MS4A15: variants seen among roughly 807,000 people sequenced by gnomAD.
The protein encoded by MS4A15 is membrane-spanning 4-domains subfamily A member 15.
A neutral mutation model predicts 20.6 loss-of-function variants in MS4A15; 22 were observed. That is an observed-to-expected ratio of 1.07 (90% CI 0.76 to 1.52). The LOEUF (loss-of-function observed/expected upper bound fraction) is 1.52, where lower values mean the gene tolerates loss of function less well. MS4A15 is among the 40% of genes most tolerant of loss of function. MS4A15 has a pLI of 0.00. For synonymous variants in MS4A15, 129 were observed against 129.3 expected (o/e 1.00, Z 0.02); for missense variants, 312 against 323.0 (o/e 0.97, Z 0.26).
intron 4 of MS4A15, chr11:60,771,891 T>G: frequency 1.6e-6 from 1 of 606,532 alleles, no homozygotes; most frequent in Non-Finnish European, 2.4e-6. Context: ...GTATGAGCTT[T>G]ATGTCAGGCT....
chr11:60,761,667 C>A (rs1853742632), intron 1 of MS4A15, among the ~76,000 whole-genome samples: 1 of 152,200 alleles, frequency 6.6e-6, no homozygotes, highest in Admixed American at 6.5e-5. Flanking sequence ...TTAAGCCCTG[C>A]TCATACCCAA....
chr11:60,773,806 G>A (rs1342772478), intron 5 of MS4A15, 31 bp from the exon 6 acceptor site: 1 of 1,589,922 alleles, frequency 6.3e-7, no homozygotes, highest in Admixed American at 1.7e-5. Context: ...TAGAACTCTG[G>A]GCTCACCTTT....
At chr11:60,768,189 T>C (rs963928775) in intron 3 of MS4A15, among the ~76,000 whole-genome samples, 1 of 151,768 alleles carries the variant, frequency 6.6e-6, no homozygotes, top group Non-Finnish European at 1.5e-5. Flanking sequence ...CAAGACTCCA[T>C]CTCAAAAAGA....
intron 2 of MS4A15, 61 bp from the exon 3 acceptor site, chr11:60,767,464 TCTCCGCGG>T: frequency 7.1e-7 from 1 of 1,406,924 alleles, no homozygotes; most frequent in Non-Finnish European, 9.3e-7. Context: ...CCAGCCACGC[TCTCCGCGG>T]GGCCGGCAGG....
chr11:60,757,461 G>C (rs761834800), intron 1 of MS4A15, among the ~76,000 whole-genome samples: 1 of 152,188 alleles, frequency 6.6e-6, no homozygotes, highest in South Asian at 2.1e-4. Context: ...AATTCAGGAG[G>C]TTTAAAGGAG....
In MS4A15 at chr11:60,763,892, G is replaced by A. The variant is rs763434063; in HGVS notation, c.159G>A (p.Arg53=). 9.3e-6 allele frequency: 15 copies of A among 1,612,954 alleles called. No homozygotes were observed. Among genetic ancestry groups the A allele is most frequent in the Admixed American group, 3.3e-5 (2 of 59,994 alleles). ...EEPPLGAQTP[R]ATQPPDLRPV... Reference sequence around the variant, plus strand: ...CACCGCTGGGGGCACAGACACCAAGGGCCACACAGCCACCTGACTTGCGGC... The same window carrying A: ...CACCGCTGGGGGCACAGACACCAAGAGCCACACAGCCACCTGACTTGCGGC... The change falls in exon 2 of 7, where the codon AGG becomes AGA. Residue 53 remains arginine (R), a synonymous_variant. Coordinates refer to ENST00000405633, the MANE Select transcript of MS4A15 (RefSeq NM_001098835.2).
intron 1 of MS4A15, among the ~76,000 whole-genome samples, chr11:60,762,682 C>G (rs1853774712): frequency 6.6e-6 from 1 of 152,050 alleles, no homozygotes; most frequent in Non-Finnish European, 1.5e-5. Flanking sequence ...CAAGAAAAAG[C>G]AATAAAAGCT....
intron 3 of MS4A15, among the ~76,000 whole-genome samples, chr11:60,768,604 A>T (rs190451820): frequency 2.3e-4 from 35 of 152,304 alleles, no homozygotes; most frequent in African/African-American, 7.5e-4. Flanking sequence ...GCATGTTAAG[A>T]TGGAGTCCCT....
chr11:60,772,714 G>A (rs993186557), intron 4 of MS4A15, among the ~76,000 whole-genome samples: 2 of 152,094 alleles, frequency 1.3e-5, no homozygotes, highest in African/African-American at 2.4e-5. Context: ...CTCCAGCTAC[G>A]GGTCACGAGA....
Position 60,775,840 on chromosome 11 carries a change from C to A in MS4A15, c.*125C>A. 1.5e-6 allele frequency: 1 copy of A among 672,204 alleles called. No individual in the cohort carries two copies. The highest frequency in any genetic ancestry group is 2.6e-6 in the Non-Finnish European group (1 of 391,810). 41.6% of individuals were successfully genotyped at this position (672,204 alleles called of 1,614,324 possible). A position where few individuals can be genotyped will look rare whatever the true frequency, so the allele number is the denominator to read the frequency against. ...GCTGCCCTCCCTCACCACATCTACA[C>A]ATACTCCGGCATCTGAGTGAAGTGT... On this transcript the variant is annotated 3_prime_UTR_variant, in exon 7 of 7. Coordinates refer to ENST00000405633, the MANE Select transcript of MS4A15 (RefSeq NM_001098835.2).
chr11:60,773,583 G>A (rs1854100648), intron 5 of MS4A15, 99 bp downstream of exon 5: 1 of 1,088,648 alleles, frequency 9.2e-7, no homozygotes, highest in African/African-American at 1.5e-5. Context: ...CCAGGACGTT[G>A]GCAGGGCCTG....
At chr11:60,760,292 A>G (rs1273733729) in intron 1 of MS4A15, among the ~76,000 whole-genome samples, 1 of 152,254 alleles carries the variant, frequency 6.6e-6, no homozygotes, top group Non-Finnish European at 1.5e-5. Context: ...GTCTTAAACA[A>G]CAGTTTCATT....
At chr11:60,761,046 A>G (rs959998335) in intron 1 of MS4A15, among the ~76,000 whole-genome samples, 4 of 152,210 alleles carry the variant, frequency 2.6e-5, no homozygotes, top group African/African-American at 9.6e-5. Context: ...GATCACCTCA[A>G]GAACATGTTT....
At position 60,775,674 on chromosome 11, in the gene MS4A15, C is replaced by G. The variant is rs1219325562; in HGVS notation, c.682C>G (p.Pro228Ala). ...CCCCAGCCCGGCAGCCTCTGCGCCC[C>G]CTGCCTATGACAATGTGGCATATGC... ...NIPSPAASAPPAYDNVAYAQG... is the reference protein window; with the variant it reads ...NIPSPAASAPAAYDNVAYAQG... The change falls in exon 7 of 7, where the codon CCT (proline) becomes GCT (alanine). Residue 228 changes from proline (P) to alanine (A), a missense_variant. Physicochemically the swap from Pro to Ala is conservative, Grantham distance 27. Transcript: ENST00000405633. The G allele has an allele frequency of 6.2e-7, 1 of 1,614,022 alleles. No individual in the cohort carries two copies.
At chr11:60,759,797 ACCTTC>A (rs1367281430) in intron 1 of MS4A15, among the ~76,000 whole-genome samples, 1 of 152,116 alleles carries the variant, frequency 6.6e-6, no homozygotes, top group Non-Finnish European at 1.5e-5. Flanking sequence ...TGGGCACAGT[ACCTTC>A]CCTTGAACTT....
At chr11:60,773,715 A>G in intron 5 of MS4A15, 122 bp from the exon 6 acceptor site, 1 of 877,862 alleles carries the variant, frequency 1.1e-6, no homozygotes, top group Non-Finnish European at 1.9e-6. Context: ...CGGCAGGGGG[A>G]CTGGCTCCAG....
At position 60,775,654 on chromosome 11, in the gene MS4A15, GC is replaced by G; in HGVS notation, c.665del (p.Pro222ArgfsTer21). 6.2e-7 allele frequency: 1 copy of G among 1,613,920 alleles called. No homozygotes were observed. Among genetic ancestry groups the G allele is most frequent in the Non-Finnish European group, 8.5e-7 (1 of 1,179,890 alleles). On this transcript the variant is annotated frameshift_variant, in exon 7 of 7. Transcript: ENST00000405633. LOFTEE classifies it high-confidence loss of function. ...TTCAGCGCAGACTTCAACATCCCCA[GC>G]CCGGCAGCCTCTGCGCCCCCTGCCT... ...NAFSADFNIP[S>X]PAASAPPAYD... is the part of the protein sequence containing the mutation.
In MS4A15 at chr11:60,767,635, C is replaced by A; in HGVS notation, c.328C>A (p.Pro110Thr). ...VGIFFIEGGVPFWGGACFIIS... is the reference protein window; with the variant it reads ...VGIFFIEGGVTFWGGACFIIS... ...CATCTTCTTCATCGAGGGCGGCGTC[C>A]CCTTCTGGGGAGGAGCCTGCGTGAG... The change falls in exon 3 of 7, where the codon CCC becomes ACC. Residue 110 changes from proline (P) to threonine (T), a missense_variant. Pro to Thr is a conservative substitution (Grantham distance 38). Transcript: ENST00000405633. 1 of 1,554,822 alleles carries A rather than the reference C, an allele frequency of 6.4e-7. No individual in the cohort carries two copies. The highest frequency in any genetic ancestry group is 8.7e-7 in the Non-Finnish European group (1 of 1,148,708).
chr11:60,760,912 A>T (rs1167955781), intron 1 of MS4A15, among the ~76,000 whole-genome samples: 1 of 152,234 alleles, frequency 6.6e-6, no homozygotes, highest in Non-Finnish European at 1.5e-5. Flanking sequence ...TTGCAGGCAT[A>T]GAAGCCTCTG....
Sources: gnomAD v4.1 joint callset for allele counts (sites outside exome capture counted in the v4.1 genomes callset) on GRCh38, gnomAD v4.1.1 for gene constraint, MANE v1.5 for transcripts, NCBI Gene and HGNC (gene_info 2026-07-23, HGNC 2026-07-21) for gene names.